TACC2: variants seen among roughly 807,000 people sequenced by gnomAD.
TACC2 encodes transforming acidic coiled-coil-containing protein 2.
Under a neutral mutation model 227.3 loss-of-function variants are expected in TACC2, and 137 were observed. The ratio of observed to expected loss-of-function variants is 0.60; its 90% CI spans 0.52 to 0.69. The LOEUF is 0.69. TACC2 is among the 30% of genes least tolerant of loss of function. The pLI is 0.00. For synonymous variants in TACC2, 1,523 were observed against 1,487.5 expected (o/e 1.02, Z -0.55); for missense variants, 3,470 against 3,694.4 (o/e 0.94, Z 1.57).
At chr10:122,073,150 TATACAC>T (rs1363596165) in intron 3 of TACC2, among the ~76,000 whole-genome samples, 3 of 96,468 alleles carry the variant, frequency 3.1e-5, no homozygotes, top group Non-Finnish European at 6.1e-5. Context: ...TATATATATA[TATACAC>T]ACACACACAC....
intron 1 of TACC2, among the ~76,000 whole-genome samples, chr10:122,003,364 A>T (rs2135133491): frequency 6.7e-6 from 1 of 150,058 alleles, no homozygotes; most frequent in South Asian, 2.1e-4. Context: ...TGGGAATTTA[A>T]TTCATTATTT....
chr10:122,160,563 C>T (rs1188873938), intron 7 of TACC2, among the ~76,000 whole-genome samples: 2 of 151,882 alleles, frequency 1.3e-5, no homozygotes, highest in Admixed American at 6.6e-5. Flanking sequence ...GTCTTTTTCT[C>T]TTTTTATACG....
chr10:122,252,908 A>G (rs1324338785), intron 22 of TACC2, among the ~76,000 whole-genome samples: 2 of 152,218 alleles, frequency 1.3e-5, no homozygotes, highest in African/African-American at 4.8e-5. Context: ...AATTTGAGCC[A>G]GGAGGTGGGC....
At chr10:122,032,828 A>G (rs1477962904) in intron 2 of TACC2, among the ~76,000 whole-genome samples, 1 of 152,060 alleles carries the variant, frequency 6.6e-6, no homozygotes, top group Non-Finnish European at 1.5e-5. Context: ...GCGTGGTGGC[A>G]TGCACCTGTA....
At chr10:122,147,084 A>G (rs1430289540) in intron 7 of TACC2, among the ~76,000 whole-genome samples, 1 of 151,992 alleles carries the variant, frequency 6.6e-6, no homozygotes, top group African/African-American at 2.4e-5. Context: ...ATGACATATC[A>G]CTGCTGACAT....
intron 5 of TACC2, among the ~76,000 whole-genome samples, chr10:122,105,315 C>T (rs765387813): frequency 5.3e-5 from 8 of 152,184 alleles, no homozygotes; most frequent in Non-Finnish European, 5.9e-5. Context: ...GCCTTGGATG[C>T]TTCCAGTCTC....
intron 5 of TACC2, among the ~76,000 whole-genome samples, chr10:122,110,223 C>T (rs2083426837): frequency 1.3e-5 from 2 of 152,178 alleles, no homozygotes; most frequent in South Asian, 4.1e-4. Flanking sequence ...TTCTAAGGCA[C>T]GTGTTGCTGC....
At chr10:122,214,402 A>G (rs955197633) in intron 9 of TACC2, among the ~76,000 whole-genome samples, 12 of 152,212 alleles carry the variant, frequency 7.9e-5, no homozygotes, top group African/African-American at 2.9e-4. Context: ...AACACAAGGA[A>G]GGAACTTGAA....
At chr10:122,179,579 A>C (rs570749594) in intron 7 of TACC2, among the ~76,000 whole-genome samples, 1 of 152,250 alleles carries the variant, frequency 6.6e-6, no homozygotes, top group East Asian at 1.9e-4. Flanking sequence ...GGAGGCGAGC[A>C]AGCTCCATAC....
In TACC2 at chr10:122,209,640, G is replaced by A. The variant is rs1010482555; in HGVS notation, c.5972-757G>A. On this transcript the variant is annotated intron_variant, in intron 8 of 22. Coordinates refer to ENST00000369005, the MANE Select transcript of TACC2 (RefSeq NM_206862.4). This position sits in a 1 kb window ranked among gnomAD's most constrained non-coding sequence, Gnocchi z 4.5. ...TTTAAAAGTGAAACTCTCCTATCCC[G>A]GCTTTATTTTTCTCCTTAGCATGTA... 1.3e-5 allele frequency among the ~76,000 whole-genome samples: 2 copies of A among 152,034 alleles called. No homozygotes were observed. The highest frequency in any genetic ancestry group is 2.1e-4 in the South Asian group (1 of 4,824).
chr10:122,056,652 G>A (rs902428718), intron 3 of TACC2, among the ~76,000 whole-genome samples: 1 of 152,212 alleles, frequency 6.6e-6, no homozygotes, highest in African/African-American at 2.4e-5. Context: ...CCTGGCAGGG[G>A]TGGAGGGAGC....
chr10:122,081,245 C>T (rs1479753354), intron 3 of TACC2, among the ~76,000 whole-genome samples: 3 of 151,694 alleles, frequency 2.0e-5, no homozygotes, highest in African/African-American at 4.8e-5. Flanking sequence ...ATTGACTAGG[C>T]GTGGTGGCTC....
In TACC2 at chr10:122,031,682, C is replaced by T. The variant is rs979851280; in HGVS notation, c.33+9668C>T. On this transcript the variant is annotated intron_variant, in intron 2 of 22. Coordinates refer to ENST00000369005, the MANE Select transcript of TACC2 (RefSeq NM_206862.4). ...CCTCCCAAAGTGCTGGGATTACAGG[C>T]GTGAGCCACCACGCCTGGCCCAGCC... 3.3e-5 allele frequency among the ~76,000 whole-genome samples: 5 copies of T among 151,888 alleles called. No individual in the cohort carries two copies. The East Asian group carries it at 9.7e-4, about 30-fold the overall frequency.
At chr10:122,140,970 G>T (rs1333864454) in intron 6 of TACC2, among the ~76,000 whole-genome samples, 1 of 152,200 alleles carries the variant, frequency 6.6e-6, no homozygotes, top group South Asian at 2.1e-4. Context: ...TGGCTGTGGG[G>T]CCTTGGATCT....
At chr10:122,102,341 A>G (rs1386257526) in intron 5 of TACC2, among the ~76,000 whole-genome samples, 1 of 152,226 alleles carries the variant, frequency 6.6e-6, no homozygotes, top group Non-Finnish European at 1.5e-5. Flanking sequence ...CTGCAGAAGC[A>G]GATCAAACCA....
Position 122,083,690 on chromosome 10 carries a change from C to G in TACC2, c.1190C>G (p.Pro397Arg). ...QVVCVAAGGQPEGGLPVSPEP... is the reference protein window; with the variant it reads ...QVVCVAAGGQREGGLPVSPEP... ...GTCTGTGTGGCAGCAGGCGGCCAGC[C>G]CGAAGGGGGTTTGCCTGTGAGCCCT... The change falls in exon 4 of 23, where the codon CCC (proline) becomes CGC (arginine). Residue 397 changes from proline to arginine, a missense_variant. By Grantham distance (103) the Pro-to-Arg change is moderately radical. Around this residue, in one of 10 missense-constraint regions of TACC2, gnomAD observed 1,924 missense variants for 1,978.3 expected, o/e 0.97. Coordinates refer to ENST00000369005, the MANE Select transcript of TACC2 (RefSeq NM_206862.4). The G allele has an allele frequency of 6.2e-7, 1 of 1,612,936 alleles. No individual in the cohort carries two copies. Among genetic ancestry groups the G allele is most frequent in the Non-Finnish European group, 8.5e-7 (1 of 1,180,038 alleles).
At chr10:122,052,938 C>T (rs2075864046) in intron 3 of TACC2, among the ~76,000 whole-genome samples, 1 of 152,218 alleles carries the variant, frequency 6.6e-6, no homozygotes, top group Non-Finnish European at 1.5e-5. Context: ...CTTGGCGTCA[C>T]CAACAAGGAT....
chr10:122,029,828 C>A (rs1958707182), intron 2 of TACC2, among the ~76,000 whole-genome samples: 1 of 140,290 alleles, frequency 7.1e-6, no homozygotes, highest in Non-Finnish European at 1.5e-5. Flanking sequence ...GGTTCAACCC[C>A]TTCTTTGGGG....
chr10:122,047,017 G>A (rs988660330), intron 2 of TACC2, among the ~76,000 whole-genome samples: 6 of 152,040 alleles, frequency 3.9e-5, no homozygotes, highest in African/African-American at 7.2e-5. Context: ...AATCTTGGCC[G>A]GGTGTGGTGG....
Sources: allele counts gnomAD v4.1 joint callset (sites outside exome capture counted in the v4.1 genomes callset), GRCh38; gene constraint gnomAD v4.1.1; regional missense constraint gnomAD v4.1.1; non-coding constraint Gnocchi (gnomAD v3.1); transcripts MANE v1.5; gene names NCBI Gene and HGNC (gene_info 2026-07-23, HGNC 2026-07-21).